GNAT3: variants seen among roughly 807,000 people sequenced by gnomAD.
GNAT3 encodes the protein guanine nucleotide-binding protein G(t) subunit alpha-3.
GNAT3 carries 31 observed loss-of-function variants against 37.7 expected under a neutral mutation model. The ratio of observed to expected loss-of-function variants is 0.82; its 90% CI spans 0.62 to 1.11. The LOEUF (loss-of-function observed/expected upper bound fraction) is 1.11. Ranked by LOEUF, GNAT3 falls within the 50% of genes most tolerant of loss-of-function variation. The probability of loss-of-function intolerance (pLI) is 0.00; values close to 1 mark genes in which losing one functional copy is unlikely to be tolerated. For missense variants in GNAT3, 437 were observed against 412.5 expected, an observed-to-expected ratio of 1.06 and a Z score of -0.51; for synonymous variants, 138 against 139.8, an observed-to-expected ratio of 0.99 and a Z score of 0.09.
intron 2 of GNAT3, among the ~76,000 whole-genome samples, chr7:80,492,662 A>G (rs1790616607): frequency 1.3e-5 from 2 of 151,570 alleles, no homozygotes; most frequent in East Asian, 1.9e-4. Flanking sequence ...TTTCATGCCT[A>G]TGCATATTTT....
intron 1 of GNAT3, among the ~76,000 whole-genome samples, chr7:80,497,681 T>C (rs1160816110): frequency 6.7e-6 from 1 of 150,120 alleles, no homozygotes; most frequent in South Asian, 2.1e-4. Flanking sequence ...CATACATATA[T>C]ACACACACAC....
At chr7:80,472,149 A>T (rs1790231990) in intron 5 of GNAT3, among the ~76,000 whole-genome samples, 1 of 152,118 alleles carries the variant, frequency 6.6e-6, no homozygotes, top group South Asian at 2.1e-4. Flanking sequence ...TTAAAAGGAA[A>T]GCAATGTGAT....
chr7:80,491,085 C>T (rs1010104600), intron 2 of GNAT3, among the ~76,000 whole-genome samples: 1 of 151,874 alleles, frequency 6.6e-6, no homozygotes, highest in African/African-American at 2.4e-5. Flanking sequence ...GTGGATAATG[C>T]AATGAAGGGA....
chr7:80,459,319 G>A (rs140834641), intron 7 of GNAT3, among the ~76,000 whole-genome samples: 20 of 152,266 alleles, frequency 1.3e-4, no homozygotes, highest in Middle Eastern at 3.4e-3. Flanking sequence ...AGTGAGAATT[G>A]TAGCACTAGA....
chr7:80,460,617 G>A (rs369548816), intron 7 of GNAT3, among the ~76,000 whole-genome samples: 109 of 152,100 alleles, frequency 7.2e-4, no homozygotes, highest in Non-Finnish European at 1.3e-3. Context: ...GCGTGGTGGC[G>A]TGCACCTGTA....
At chr7:80,466,536 TG>T (rs1390372514) in intron 5 of GNAT3, among the ~76,000 whole-genome samples, 1 of 152,054 alleles carries the variant, frequency 6.6e-6, no homozygotes, top group Non-Finnish European at 1.5e-5. Flanking sequence ...CTAATAGTTT[TG>T]TTTTTTGGTG....
intron 2 of GNAT3, among the ~76,000 whole-genome samples, chr7:80,491,330 C>T (rs1790587466): frequency 6.6e-6 from 1 of 152,122 alleles, no homozygotes; most frequent in South Asian, 2.1e-4. Context: ...AATGTTTATT[C>T]TGATTTGGAC....
In GNAT3 at chr7:80,479,123, C is replaced by A. The variant is rs1281350336; in HGVS notation, c.304-125G>T. 1.5e-5 allele frequency: 11 copies of A among 713,836 alleles called. No individual in the cohort carries two copies. In the East Asian group the frequency reaches 2.4e-4, roughly 15 times the overall value. 44.2% of individuals were successfully genotyped at this position (713,836 alleles called of 1,614,324 possible). On this transcript the variant is annotated intron_variant, in intron 3 of 7. Coordinates refer to ENST00000398291, the MANE Select transcript of GNAT3 (RefSeq NM_001102386.3). ...TTTAGCTAATAATTCCACCAAACAT[C>A]TTTTTGAACTATATTGAGGTAAATA... is the stretch of plus-strand genomic sequence containing the variant.
chr7:80,490,416 A>C (rs1790569888), intron 2 of GNAT3, among the ~76,000 whole-genome samples: 1 of 152,158 alleles, frequency 6.6e-6, no homozygotes, highest in South Asian at 2.1e-4. Flanking sequence ...AGATTTTTAA[A>C]CATTATGATA....
intron 5 of GNAT3, among the ~76,000 whole-genome samples, chr7:80,465,333 T>C (rs1220807235): frequency 6.6e-6 from 1 of 152,184 alleles, no homozygotes; most frequent in South Asian, 2.1e-4. Flanking sequence ...TGGATTAATC[T>C]TAATTTAACA....
intron 5 of GNAT3, 59 bp from the exon 6 acceptor site, chr7:80,462,690 G>A (rs368994407): frequency 2.1e-6 from 3 of 1,417,140 alleles, no homozygotes; most frequent in Non-Finnish European, 2.9e-6. Context: ...AATGTGCATT[G>A]AGGTTAACAT....
At chr7:80,511,145 CAAGGT>C (rs761440034) in intron 1 of GNAT3, among the ~76,000 whole-genome samples, 33 of 151,228 alleles carry the variant, frequency 2.2e-4, no homozygotes, top group Non-Finnish European at 3.1e-4. Context: ...AATTTATAGT[CAAGGT>C]AAAACAGTGC....
chr7:80,494,967 T>A (rs956466819), intron 1 of GNAT3, among the ~76,000 whole-genome samples: 2 of 152,210 alleles, frequency 1.3e-5, no homozygotes, highest in Non-Finnish European at 2.9e-5. Context: ...CTCCCACTTA[T>A]AAGTGAGAAC....
At position 80,478,864 on chromosome 7, in the gene GNAT3, A is replaced by C. The variant is rs1411392960; in HGVS notation, c.438T>G (p.Tyr146Ter). The C allele has an allele frequency of 5.0e-6, 8 of 1,613,200 alleles. No homozygotes were observed. The highest frequency in any genetic ancestry group is 6.8e-6 in the Non-Finnish European group (8 of 1,179,478). ...IQACFERASEYQLNDSAAYYL... is the reference protein window; with the variant it reads ...IQACFERASE ...ACTAAGCTGCTGAGTCATTGAGCTG[A>C]TATTCAGATGCCCTTTCAAAGCAGG... Residue 146 changes from tyrosine (Y) to a stop codon, truncating the protein, a stop_gained, in exon 4 of 8, where the codon TAT becomes TAG. Coordinates refer to ENST00000398291, the MANE Select transcript of GNAT3 (RefSeq NM_001102386.3). LOFTEE classifies it high-confidence loss of function.
rs1255180514 is a variant in GNAT3 at position 80,470,579 on chromosome 7, C to T, written c.590+3672G>A. 3.9e-5 allele frequency among the ~76,000 whole-genome samples: 6 copies of T among 152,256 alleles called. No individual in the cohort carries two copies. The East Asian group carries it at 5.8e-4, about 15-fold the overall frequency. The stretch of plus-strand genomic sequence containing the variant: ...GGCTTCACAATCCAATTCACAAACA[C>T]CTTACACTTTAGCATTCATACTGTA... On this transcript the variant is annotated intron_variant, in intron 5 of 7. Coordinates refer to ENST00000398291, the MANE Select transcript of GNAT3 (RefSeq NM_001102386.3).
intron 2 of GNAT3, among the ~76,000 whole-genome samples, chr7:80,489,488 A>G (rs1007139333): frequency 1.3e-5 from 2 of 152,114 alleles, no homozygotes; most frequent in African/African-American, 4.8e-5. Flanking sequence ...ATATTACTAA[A>G]GATTTATATT....
chr7:80,491,279 AT>A (rs1255659339), intron 2 of GNAT3, among the ~76,000 whole-genome samples: 1 of 152,164 alleles, frequency 6.6e-6, no homozygotes, highest in African/African-American at 2.4e-5. Context: ...CGTTGTTGTA[AT>A]TAATTTTAGG....
chr7:80,506,857 C>T (rs760372089), intron 1 of GNAT3, among the ~76,000 whole-genome samples: 74 of 152,058 alleles, frequency 4.9e-4, no homozygotes, highest in Non-Finnish European at 7.9e-4. Flanking sequence ...CATTACCTTG[C>T]GTAGTTATTT....
Position 80,471,301 on chromosome 7 carries a change from A to C in GNAT3, c.590+2950T>G, listed in dbSNP as rs547949298. On this transcript the variant is annotated intron_variant, in intron 5 of 7. Coordinates refer to ENST00000398291, the MANE Select transcript of GNAT3 (RefSeq NM_001102386.3). ...TTCCCAGCCCACTGATTCAAATGTT[A>C]ATCTCCTTTGGTAACACCCTCAGAG... 2.0e-4 allele frequency among the ~76,000 whole-genome samples: 31 copies of C among 151,430 alleles called. No homozygotes were observed. The East Asian group carries it at 3.7e-3, about 18-fold the overall frequency.
Sources: allele counts gnomAD v4.1 joint callset (sites outside exome capture counted in the v4.1 genomes callset), GRCh38; gene constraint gnomAD v4.1.1; transcripts MANE v1.5; gene names NCBI Gene and HGNC (gene_info 2026-07-23, HGNC 2026-07-21).